Variants in OCIAD2 observed in about 807,000 individuals in gnomAD.
The protein encoded by OCIAD2 is OCIA domain containing 2, also known as OCIA domain-containing protein 2.
A neutral mutation model predicts 22.9 loss-of-function variants in OCIAD2; 29 were observed. The ratio of observed to expected loss-of-function variants is 1.27; its 90% confidence interval spans 0.94 to 1.73. The LOEUF (loss-of-function observed/expected upper bound fraction) is 1.73. OCIAD2 is among the 40% of genes most tolerant of loss of function. OCIAD2 has a pLI of 0.00. For synonymous variants in OCIAD2, 67 were observed against 60.2 expected (o/e 1.11, Z -0.52); for missense variants, 189 against 180.3 (o/e 1.05, Z -0.28).
intron 2 of OCIAD2, among the ~76,000 whole-genome samples, chr4:48,901,519 GT>G (rs1277108084): frequency 9.7e-6 from 1 of 103,624 alleles, no homozygotes. Context: ...GAATTATCCA[GT>G]TTTCTAAGCT....
intron 3 of OCIAD2, among the ~76,000 whole-genome samples, chr4:48,899,189 G>C (rs1412224926): frequency 6.6e-6 from 1 of 152,128 alleles, no homozygotes; most frequent in Non-Finnish European, 1.5e-5. Flanking sequence ...TATCAAGACT[G>C]TATCTACAGG....
intron 4 of OCIAD2, 53 bp from the exon 5 acceptor site, chr4:48,894,106 A>C: frequency 2.1e-6 from 2 of 960,410 alleles, no homozygotes; most frequent in East Asian, 6.1e-5. Context: ...ATTAAATTAT[A>C]AGTTATAAAT....
intron 6 of OCIAD2, among the ~76,000 whole-genome samples, chr4:48,887,015 T>A (rs1781006745): frequency 6.6e-6 from 1 of 152,210 alleles, no homozygotes; most frequent in South Asian, 2.1e-4. Context: ...GTTTCCTGAC[T>A]TTTTAATGAT....
At chr4:48,890,007 G>T (rs527508687) in intron 6 of OCIAD2, among the ~76,000 whole-genome samples, 1 of 149,266 alleles carries the variant, frequency 6.7e-6, no homozygotes, top group African/African-American at 2.5e-5. Context: ...ATTGCAAGGA[G>T]AAGAAACCAA....
rs551602321 is a variant in OCIAD2 at position 48,894,003 on chromosome 4, T to TA, written c.265+2dup. 5.1e-4 allele frequency: 769 copies of TA among 1,515,806 alleles called. 1 individual carries two copies. The African/African-American group carries it at 8.5e-3, about 17-fold the overall frequency. 93.9% of individuals were successfully genotyped at this position (1,515,806 alleles called of 1,614,324 possible). ...GGCTTGCTTTTTTATTTCTATGACT[T>TA]ACGTGCAACTTTGGGCAATGATCCA... On this transcript the variant is annotated splice_region_variant and intron_variant, in intron 5 of 6. Transcript: ENST00000508632.
intron 6 of OCIAD2, among the ~76,000 whole-genome samples, chr4:48,886,823 C>T (rs2109663488): frequency 6.6e-6 from 1 of 152,274 alleles, no homozygotes; most frequent in South Asian, 2.1e-4. Flanking sequence ...GTCTTTATAG[C>T]AGCAGGCTTT....
chr4:48,886,652 C>T (rs1242972440), intron 6 of OCIAD2, among the ~76,000 whole-genome samples: 1 of 152,126 alleles, frequency 6.6e-6, no homozygotes, highest in Non-Finnish European at 1.5e-5. Flanking sequence ...CATCCATGTC[C>T]CTACAAAGGA....
At chr4:48,888,585 T>A (rs1303790159) in intron 6 of OCIAD2, among the ~76,000 whole-genome samples, 1 of 152,208 alleles carries the variant, frequency 6.6e-6, no homozygotes, top group Non-Finnish European at 1.5e-5. Context: ...CTGCATCTAT[T>A]GAGATAATCA....
intron 4 of OCIAD2, 128 bp downstream of exon 4, chr4:48,897,676 A>G (rs1781330541): frequency 2.6e-6 from 2 of 757,772 alleles, no homozygotes; most frequent in Admixed American, 4.4e-5. Context: ...TAGGCTGAAA[A>G]TAGGCAGAAG....
chr4:48,885,103 A>T lies in OCIAD2; in HGVS notation c.*381T>A. The T allele has an allele frequency of 5.6e-6, 1 of 179,612 alleles. No individual in the cohort carries two copies. Among genetic ancestry groups the T allele is most frequent in the South Asian group, 1.2e-4 (1 of 8,078 alleles). The allele number at this position is 179,612 out of a possible 1,614,324, so 11.1% of individuals were successfully genotyped here. On this transcript the variant is annotated 3_prime_UTR_variant, in exon 7 of 7. Coordinates refer to ENST00000508632, the MANE Select transcript of OCIAD2 (RefSeq NM_001014446.3). ...TGGGTTCAAGTGATTCTCCTGCCTCAGCCTCCCTCTCAGTAGCTGGGATTA... is the reference window on the plus strand; with the variant it reads ...TGGGTTCAAGTGATTCTCCTGCCTCTGCCTCCCTCTCAGTAGCTGGGATTA...
At chr4:48,899,038 A>G (rs1781362439) in intron 3 of OCIAD2, among the ~76,000 whole-genome samples, 1 of 152,222 alleles carries the variant, frequency 6.6e-6, no homozygotes, top group Non-Finnish European at 1.5e-5. Context: ...AAGCACAGTC[A>G]GTAATCCCAT....
chr4:48,903,635 GTTTTTTTT>G (rs35445469), intron 2 of OCIAD2, among the ~76,000 whole-genome samples: 1 of 133,480 alleles, frequency 7.5e-6, no homozygotes, highest in Admixed American at 7.6e-5. Context: ...TAAAGAAAGG[GTTTTTTTT>G]TTTTTTTTTT....
intron 6 of OCIAD2, among the ~76,000 whole-genome samples, chr4:48,889,342 A>T (rs182205496): frequency 6.6e-6 from 1 of 151,570 alleles, no homozygotes; most frequent in South Asian, 2.1e-4. Flanking sequence ...ATCTCCTGAA[A>T]ATTTTTACAA....
chr4:48,886,408 G>A (rs1780989069), intron 6 of OCIAD2, among the ~76,000 whole-genome samples: 1 of 152,134 alleles, frequency 6.6e-6, no homozygotes, highest in African/African-American at 2.4e-5. Flanking sequence ...TGTTACTTAT[G>A]TATACATGTG....
intron 4 of OCIAD2, among the ~76,000 whole-genome samples, chr4:48,897,556 A>C (rs1334665420): frequency 6.6e-6 from 1 of 152,206 alleles, no homozygotes; most frequent in Non-Finnish European, 1.5e-5. Flanking sequence ...TTTTAAGGTC[A>C]GGTGATTAAC....
chr4:48,885,763 G>A (rs1780968477), intron 6 of OCIAD2, among the ~76,000 whole-genome samples, 198 bp from the exon 7 acceptor site: 1 of 152,170 alleles, frequency 6.6e-6, no homozygotes, highest in African/African-American at 2.4e-5. Flanking sequence ...TGAGACTACA[G>A]GCATGAACCA....
At chr4:48,899,588 T>A (rs775891947) in intron 3 of OCIAD2, among the ~76,000 whole-genome samples, 1 of 152,190 alleles carries the variant, frequency 6.6e-6, no homozygotes, top group Non-Finnish European at 1.5e-5. Context: ...CACATATTCT[T>A]GGTAAAGGGA....
In OCIAD2 at chr4:48,892,851, A is replaced by G. The variant is rs149848389; in HGVS notation, c.304T>C (p.Tyr102His). 378 of 1,611,556 alleles carry G rather than the reference A, an allele frequency of 2.3e-4. 3 individuals are homozygous for G. The highest frequency in any genetic ancestry group is 2.3e-4 in the Non-Finnish European group (270 of 1,178,772). ...LLGFGLGKVS[Y>H]IGVCQSKFHF... ...AATTTACTCTGGCATACTCCTATGTATGATACCTTTCCAAGGCCAAATCCC... is the reference window on the plus strand; with the variant it reads ...AATTTACTCTGGCATACTCCTATGTGTGATACCTTTCCAAGGCCAAATCCC... Residue 102 changes from tyrosine to histidine, a missense_variant, in exon 6 of 7, where the codon TAC (tyrosine) becomes CAC (histidine). Physicochemically the swap from Tyr to His is moderately conservative, Grantham distance 83. Transcript: ENST00000508632.
At chr4:48,903,268 A>G (rs916919693) in intron 2 of OCIAD2, among the ~76,000 whole-genome samples, 2 of 152,210 alleles carry the variant, frequency 1.3e-5, no homozygotes, top group African/African-American at 4.8e-5. Flanking sequence ...CTGCTAGCTA[A>G]TTAGTAATAA....
Sources: gnomAD v4.1 joint callset for allele counts (sites outside exome capture counted in the v4.1 genomes callset) on GRCh38, gnomAD v4.1.1 for gene constraint, MANE v1.5 for transcripts, NCBI Gene and HGNC (gene_info 2026-07-23, HGNC 2026-07-21) for gene names.